WWOX: variants seen among roughly 807,000 people sequenced by gnomAD.
WWOX encodes WW domain-containing oxidoreductase.
WWOX carries 69 observed loss-of-function variants against 46.2 expected under a neutral mutation model. That is an observed-to-expected ratio of 1.49 (90% confidence interval 1.23 to 1.82). The LOEUF is 1.82. WWOX is among the 40% of genes most tolerant of loss of function. The probability of loss-of-function intolerance (pLI) is 0.00; values close to 1 mark genes in which losing one functional copy is unlikely to be tolerated. For missense variants in WWOX, 919 were observed against 542.6 expected, an observed-to-expected ratio of 1.69 and a Z score of -6.89; for synonymous variants, 359 against 202.6, an observed-to-expected ratio of 1.77 and a Z score of -6.56.
At chr16:78,733,905 A>C (rs1184680436) in intron 8 of WWOX, among the ~76,000 whole-genome samples, 1 of 151,988 alleles carries the variant, frequency 6.6e-6, no homozygotes, top group African/African-American at 2.4e-5. Flanking sequence ...ATCTCTACAA[A>C]AAATAAAACA....
At chr16:79,186,045 C>T (rs1171688581) in intron 8 of WWOX, among the ~76,000 whole-genome samples, 1 of 151,976 alleles carries the variant, frequency 6.6e-6, no homozygotes, top group African/African-American at 2.4e-5. Context: ...AAGTCTTTTT[C>T]ACATGGCCTG....
intron 8 of WWOX, among the ~76,000 whole-genome samples, chr16:78,567,535 A>G (rs568212726): frequency 3.4e-4 from 48 of 141,084 alleles, no homozygotes; most frequent in Admixed American, 2.0e-3. Context: ...CCTGGGCGAC[A>G]GAAGGAGACT....
At chr16:79,086,325 TTTGA>T (rs1181461818) in intron 8 of WWOX, among the ~76,000 whole-genome samples, 2 of 152,238 alleles carry the variant, frequency 1.3e-5, no homozygotes, top group Non-Finnish European at 2.9e-5. Context: ...ATTATTTTAA[TTTGA>T]TTGATATGCA....
intron 5 of WWOX, among the ~76,000 whole-genome samples, chr16:78,220,353 G>A (rs2067714): frequency 0.65 from 99,492 of 152,018 alleles, 33,044 homozygotes; most frequent in East Asian, 0.84. Context: ...TTATTTTTCC[G>A]AGCAAGTTTT....
At chr16:79,131,497 G>C (rs1051787485) in intron 8 of WWOX, among the ~76,000 whole-genome samples, 3 of 152,104 alleles carry the variant, frequency 2.0e-5, no homozygotes, top group Admixed American at 2.0e-4. Flanking sequence ...CAATACCCCT[G>C]AATGTCCTAG....
chr16:78,405,903 C>T (rs551371751), intron 6 of WWOX, among the ~76,000 whole-genome samples: 7 of 152,228 alleles, frequency 4.6e-5, no homozygotes, highest in East Asian at 3.9e-4. Context: ...TTCCCTGTCA[C>T]GCCATCTTAT....
At chr16:79,155,147 G>A (rs2050356128) in intron 8 of WWOX, among the ~76,000 whole-genome samples, 1 of 152,362 alleles carries the variant, frequency 6.6e-6, no homozygotes, top group South Asian at 2.1e-4. Context: ...GGAGGCCGAG[G>A]CAGGCAGATC....
chr16:78,850,215 A>C (rs529721860), intron 8 of WWOX, among the ~76,000 whole-genome samples: 1 of 152,260 alleles, frequency 6.6e-6, no homozygotes, highest in East Asian at 1.9e-4. Flanking sequence ...TAGAGAAAAT[A>C]ATAATAACTA....
At position 79,162,697 on chromosome 16, in the gene WWOX, C is replaced by T. The variant is rs145150830; in HGVS notation, c.1057-48911C>T. ...AGATCATGCCAAGGTCCTGTGTTCA[C>T]CGCCTTCCTGAGTCCCCATTCAGAG... is the stretch of plus-strand genomic sequence containing the variant. On this transcript the variant is annotated intron_variant, in intron 8 of 8. Transcript: ENST00000566780. Among the ~76,000 whole-genome samples, 1,197 of 152,258 alleles carry T rather than the reference C, an allele frequency of 7.9e-3. 9 individuals are homozygous for T. The highest frequency in any genetic ancestry group is 0.027 in the African/African-American group (1,127 of 41,548).
At chr16:79,095,860 C>CTTT (rs775730124) in intron 8 of WWOX, among the ~76,000 whole-genome samples, 12 of 118,474 alleles carry the variant, frequency 1.0e-4, no homozygotes, top group Non-Finnish European at 1.9e-4. Flanking sequence ...CTCTCTCTCT[C>CTTT]TTTTTTTTTT....
chr16:78,755,042 C>A (rs1424978271), intron 8 of WWOX, among the ~76,000 whole-genome samples: 1 of 123,338 alleles, frequency 8.1e-6, no homozygotes, highest in East Asian at 2.4e-4. Flanking sequence ...ACACCGGGGC[C>A]TGTCTGGGGG....
intron 8 of WWOX, among the ~76,000 whole-genome samples, chr16:78,971,436 C>CAGAA (rs71272438): frequency 7.5e-6 from 1 of 132,896 alleles, no homozygotes; most frequent in South Asian, 2.5e-4. Flanking sequence ...GTCTGGGTGA[C>CAGAA]AGACTCTGTG....
chr16:78,408,374 C>T (rs1215348114), intron 6 of WWOX, among the ~76,000 whole-genome samples: 1 of 152,182 alleles, frequency 6.6e-6, no homozygotes, highest in Admixed American at 6.5e-5. Flanking sequence ...GCCCCAGACC[C>T]AGCCACATGG....
intron 8 of WWOX, among the ~76,000 whole-genome samples, chr16:79,014,629 A>C (rs74032497): frequency 0.035 from 5,343 of 152,200 alleles, 327 homozygotes; most frequent in African/African-American, 0.12. Flanking sequence ...AGTGCCTAAG[A>C]CTTTGAATAG....
At chr16:78,308,303 T>C (rs1597463482) in intron 5 of WWOX, among the ~76,000 whole-genome samples, 1 of 152,166 alleles carries the variant, frequency 6.6e-6, no homozygotes, top group East Asian at 1.9e-4. Context: ...TCCCTGCCTC[T>C]GGGCCAAGGG....
chr16:79,006,597 G>C (rs919875583), intron 8 of WWOX, among the ~76,000 whole-genome samples: 2 of 151,220 alleles, frequency 1.3e-5, no homozygotes, highest in Non-Finnish European at 2.9e-5. Context: ...GATTACAAAT[G>C]TACCGTCTTA....
chr16:79,141,954 G>T (rs1046391506), intron 8 of WWOX, among the ~76,000 whole-genome samples: 1 of 152,172 alleles, frequency 6.6e-6, no homozygotes, highest in African/African-American at 2.4e-5. Context: ...ATTGTGATAA[G>T]CCCGTCTAGC....
At chr16:78,355,623 T>G in intron 5 of WWOX, 2 of 586,336 alleles carry the variant, frequency 3.4e-6, no homozygotes, top group Non-Finnish European at 6.5e-6. Context: ...TGTGTGAAAA[T>G]GAGAAACGAC....
chr16:78,564,453 G>C (rs769006320), intron 8 of WWOX, among the ~76,000 whole-genome samples: 52 of 152,142 alleles, frequency 3.4e-4, no homozygotes, highest in Admixed American at 5.9e-4. Flanking sequence ...GGATATTCAA[G>C]AAATTGAAGA....
Sources: allele counts gnomAD v4.1 joint callset (sites outside exome capture counted in the v4.1 genomes callset), GRCh38; gene constraint gnomAD v4.1.1; transcripts MANE v1.5; gene names NCBI Gene and HGNC (gene_info 2026-07-23, HGNC 2026-07-21).